NDRG2: variants seen among roughly 807,000 people sequenced by gnomAD.
NDRG2 encodes NDRG family member 2, also known as protein NDRG2.
NDRG2 carries 34 observed loss-of-function variants against 58.2 expected under a neutral mutation model. The observed-to-expected ratio is 0.58, with a 90% CI of 0.44 to 0.78. NDRG2 has a LOEUF of 0.78. Ranked by LOEUF, NDRG2 falls within the 30% of genes least tolerant of loss-of-function variation. NDRG2 has a pLI of 0.00. For missense variants in NDRG2, 434 were observed against 471.2 expected, an observed-to-expected ratio of 0.92 and a Z score of 0.73; for synonymous variants, 187 against 175.9, an observed-to-expected ratio of 1.06 and a Z score of -0.50.
intron 15 of NDRG2, 75 bp from the exon 16 acceptor site, chr14:21,017,837 C>T (rs1877598187): frequency 6.2e-7 from 1 of 1,604,232 alleles, no homozygotes; most frequent in Non-Finnish European, 8.5e-7. Flanking sequence ...GGGTGTGGTC[C>T]TTGGATTATG....
chr14:21,020,010 T>A (rs1472061478), intron 8 of NDRG2, 34 bp from the exon 9 acceptor site: 1 of 1,602,590 alleles, frequency 6.2e-7, no homozygotes, highest in East Asian at 2.2e-5. Context: ...AAGTTCAGGG[T>A]ATTGGCCAGG....
intron 1 of NDRG2, chr14:21,034,151 C>T: frequency 6.2e-7 from 1 of 1,614,140 alleles, no homozygotes; most frequent in South Asian, 1.1e-5. Context: ...CCCGGAAACC[C>T]TTTGGGTAGT....
chr14:21,018,522 C>G lies in NDRG2; in HGVS notation c.814-18G>C. 6.2e-7 allele frequency: 1 copy of G among 1,613,428 alleles called. No homozygotes were observed. The highest frequency in any genetic ancestry group is 8.5e-7 in the Non-Finnish European group (1 of 1,179,682). On this transcript the variant is annotated intron_variant, in intron 12 of 15. Coordinates refer to ENST00000556147, the MANE Select transcript of NDRG2 (RefSeq NM_001320329.2). Reference sequence around the variant, plus strand: ...CATTCCACCTGGAGTAAGCAGGAGGCTGAATGAATGAGGTCACGCCCACTG... The same window carrying G: ...CATTCCACCTGGAGTAAGCAGGAGGGTGAATGAATGAGGTCACGCCCACTG...
At chr14:21,055,118 C>A (rs573762592) in intron 1 of NDRG2, among the ~76,000 whole-genome samples, 19 of 152,252 alleles carry the variant, frequency 1.2e-4, no homozygotes, top group African/African-American at 4.3e-4. Flanking sequence ...ATTGTTTCTG[C>A]AGAAATGTAT....
chr14:21,029,860 C>A (rs989540473), upstream of NDRG2, among the ~76,000 whole-genome samples: 2 of 152,172 alleles, frequency 1.3e-5, no homozygotes, highest in South Asian at 2.1e-4. Context: ...GACTTCTCAG[C>A]CTTCAGAGCT....
chr14:21,065,521 T>C (rs868582581), intron 1 of NDRG2, among the ~76,000 whole-genome samples: 3 of 152,216 alleles, frequency 2.0e-5, no homozygotes, highest in Middle Eastern at 3.4e-3. Context: ...GAAAGGTGAG[T>C]CTATTATGAT....
Position 21,061,419 on chromosome 14 carries a change from T to C in NDRG2, c.24+9409A>G, listed in dbSNP as rs145050546. The stretch of plus-strand genomic sequence containing the variant: ...GACTTCCTTGTGTAGGCTGAAGAAT[T>C]AGATGGCGTGTAACTGGAATCTAGG... On this transcript the variant is annotated intron_variant, in intron 1 of 14. Coordinates refer to the NDRG2 transcript ENST00000403829. Among the ~76,000 whole-genome samples, 252 of 152,232 alleles carry C rather than the reference T, an allele frequency of 1.7e-3. 2 individuals are homozygous for C. The highest frequency in any genetic ancestry group is 6.0e-3 in the African/African-American group (250 of 41,532).
chr14:21,020,888 C>A (rs771626421), intron 6 of NDRG2, 44 bp from the exon 7 acceptor site: 1 of 1,595,784 alleles, frequency 6.3e-7, no homozygotes, highest in South Asian at 1.1e-5. Flanking sequence ...ATCTGCTGTC[C>A]AAAACCTGCC....
At chr14:21,055,823 G>T (rs1419750546) in intron 1 of NDRG2, among the ~76,000 whole-genome samples, 1 of 152,184 alleles carries the variant, frequency 6.6e-6, no homozygotes, top group African/African-American at 2.4e-5. Flanking sequence ...TCAGCTGAGG[G>T]CCTGCAAGAG....
At chr14:21,033,724 G>C in intron 1 of NDRG2, 1 of 918,784 alleles carries the variant, frequency 1.1e-6, no homozygotes, top group Non-Finnish European at 1.8e-6. Flanking sequence ...TGCCTGCCTC[G>C]TAAGTCAGGA....
At chr14:21,062,708 AGTGTGTGT>A (rs71416997) in intron 1 of NDRG2, among the ~76,000 whole-genome samples, 17 of 130,978 alleles carry the variant, frequency 1.3e-4, no homozygotes, top group East Asian at 4.6e-4. Flanking sequence ...GGCTGGGCAC[AGTGTGTGT>A]GTGTGTGTGT....
intron 10 of NDRG2, 138 bp downstream of exon 10, chr14:21,019,501 C>T (rs1290414359): frequency 4.7e-6 from 3 of 643,212 alleles, no homozygotes; most frequent in African/African-American, 1.8e-5. Flanking sequence ...TGAAGCTGCC[C>T]CCATTGCACA....
At chr14:21,038,339 C>T (rs1238508898) in intron 1 of NDRG2, among the ~76,000 whole-genome samples, 1 of 152,212 alleles carries the variant, frequency 6.6e-6, no homozygotes, top group Non-Finnish European at 1.5e-5. Context: ...GGGTGGTCCT[C>T]ATCTTGTGGG....
intron 1 of NDRG2, chr14:21,043,173 C>T: frequency 6.2e-7 from 1 of 1,614,166 alleles, no homozygotes; most frequent in Non-Finnish European, 8.5e-7. Flanking sequence ...CATTAACAAG[C>T]ACACAAAACG....
At chr14:21,019,835 C>G (rs1378838165) in intron 9 of NDRG2, 85 bp downstream of exon 9, 11 of 1,541,238 alleles carry the variant, frequency 7.1e-6, no homozygotes, top group Middle Eastern at 1.7e-4. Flanking sequence ...TTCCCCAAAT[C>G]CTGTCCCAGC....
Position 21,019,976 on chromosome 14 carries a change from G to C in NDRG2, c.556C>G (p.Leu186Val), listed in dbSNP as rs368521230. 1 of 1,613,462 alleles carries C rather than the reference G, an allele frequency of 6.2e-7. No homozygotes were observed. The highest frequency in any genetic ancestry group is 8.5e-7 in the Non-Finnish European group (1 of 1,179,936). ...GGAATGGAAGAGGTGAGGCCTGTTA[G>C]CTATGAGGAGAAGGCAGGTGAGAAA... ...KGWMDWAAHK[L>V]TGLTSSIPEM... The change falls in exon 9 of 16, where the codon CTA (leucine) becomes GTA (valine). Residue 186 changes from leucine (L) to valine (V), a missense_variant and splice_region_variant. Transcript: ENST00000556147.
Position 21,070,152 on chromosome 14 carries a change from A to G in NDRG2, c.24+676T>C, listed in dbSNP as rs1202588120. On this transcript the variant is annotated intron_variant, in intron 1 of 14. Coordinates refer to the NDRG2 transcript ENST00000403829. The surrounding 1 kb of genome is among the most constrained non-coding windows in gnomAD (Gnocchi z 4.7). ...GCAGAGATCTCGGCGCGGGAGACAGAGTCCCGGCAAGGGGTCCCGCGCGGA... is the reference window on the plus strand; with the variant it reads ...GCAGAGATCTCGGCGCGGGAGACAGGGTCCCGGCAAGGGGTCCCGCGCGGA... 9.4e-6 allele frequency: 2 copies of G among 212,734 alleles called. No individual in the cohort carries two copies. The highest frequency in any genetic ancestry group is 1.8e-5 in the Non-Finnish European group (2 of 113,626). The allele number at this position is 212,734 out of a possible 1,614,324, so 13.2% of individuals were successfully genotyped here.
Position 21,017,496 on chromosome 14 carries a change from T to C in NDRG2, c.*100A>G. On this transcript the variant is annotated 3_prime_UTR_variant, in exon 16 of 16. Transcript: ENST00000556147. ...GTCATCTCCCCGCATGATCTGCCCT[T>C]TTTCCCTTGCTTACGGTGGCCCAAT... 3.7e-6 allele frequency: 5 copies of C among 1,360,798 alleles called. No homozygotes were observed. The highest frequency in any genetic ancestry group is 5.0e-6 in the Non-Finnish European group (5 of 1,005,102). The allele number at this position is 1,360,798 out of a possible 1,614,324, so 84.3% of individuals were successfully genotyped here.
rs553351166 is a variant in NDRG2 at position 21,070,209 on chromosome 14, G to A, written c.24+619C>T. ...GGCGGGCGCTGAAGGGCGGGGCGGG[G>A]AGGGGCGGCCGTCTCGGCCCTCCCT... On this transcript the variant is annotated intron_variant, in intron 1 of 14. Coordinates refer to the NDRG2 transcript ENST00000403829. This position sits in a 1 kb window ranked among gnomAD's most constrained non-coding sequence, Gnocchi z 4.7. 107 of 378,984 alleles carry A rather than the reference G, an allele frequency of 2.8e-4. 1 individual carries two copies. The South Asian group carries it at 0.012, about 44-fold the overall frequency. 23.5% of individuals were successfully genotyped at this position (378,984 alleles called of 1,614,324 possible).
Sources: gnomAD v4.1 joint callset for allele counts (sites outside exome capture counted in the v4.1 genomes callset) on GRCh38, gnomAD v4.1.1 for gene constraint, Gnocchi (gnomAD v3.1) non-coding constraint, MANE v1.5 for transcripts, NCBI Gene and HGNC (gene_info 2026-07-23, HGNC 2026-07-21) for gene names.